Variants in CYSLTR1 observed in about 807,000 individuals in gnomAD.
CYSLTR1 encodes the protein cysteinyl leukotriene receptor 1.
Under a neutral mutation model 2.1 loss-of-function variants are expected in CYSLTR1, and 1 was observed. That is an observed-to-expected ratio of 0.48 (90% CI 0.17 to 2.28). CYSLTR1 has a LOEUF of 2.28. CYSLTR1 is among the 30% of genes most tolerant of loss of function. The pLI is 0.26. For missense variants in CYSLTR1, 299 were observed against 250.1 expected, an observed-to-expected ratio of 1.20 and a Z score of -1.32; for synonymous variants, 110 against 89.6, an observed-to-expected ratio of 1.23 and a Z score of -1.28.
At chrX:78,307,754 A>G (rs984941522) in intron 1 of CYSLTR1, among the ~76,000 whole-genome samples, 5 of 111,788 alleles carry the variant, frequency 4.5e-5, no homozygotes, top group African/African-American at 1.6e-4. Context: ...AAGCCAAGCT[A>G]TAAAAATCCC....
intron 1 of CYSLTR1, among the ~76,000 whole-genome samples, chrX:78,289,128 G>A (rs529701275): frequency 5.7e-4 from 45 of 78,955 alleles, no homozygotes; most frequent in East Asian, 8.2e-4. Flanking sequence ...TCCACCCCCC[G>A]ACAGGCCCTG....
intron 1 of CYSLTR1, among the ~76,000 whole-genome samples, chrX:78,295,775 C>T (rs1422499056): frequency 1.8e-5 from 2 of 111,373 alleles, no homozygotes; most frequent in African/African-American, 6.5e-5. Flanking sequence ...TGTTTGAACT[C>T]CTTATATATT....
At chrX:78,291,793 G>A (rs1922339003) in intron 1 of CYSLTR1, among the ~76,000 whole-genome samples, 1 of 110,955 alleles carries the variant, frequency 9.0e-6, no homozygotes. Flanking sequence ...GTATTGCTGT[G>A]GGGTCAGTGG....
rs1432702048 is a variant in CYSLTR1, at chrX:78,306,146, A to G, written c.-115+21159T>C. ...TGTGGGATCTAAAAATCAAAACACT[A>G]GAACTTATGGTCGTTGAGGGTTTTT... On this transcript the variant is annotated intron_variant, in intron 1 of 2. Coordinates refer to ENST00000373304, the MANE Select transcript of CYSLTR1 (RefSeq NM_006639.4). Among the ~76,000 whole-genome samples, 3 of 112,135 alleles carry G rather than the reference A, an allele frequency of 2.7e-5. No individual in the cohort carries two copies. The East Asian group carries it at 8.4e-4, about 31-fold the overall frequency.
intron 1 of CYSLTR1, among the ~76,000 whole-genome samples, chrX:78,293,843 G>A (rs1354300820): frequency 1.8e-5 from 2 of 111,463 alleles, no homozygotes; most frequent in Non-Finnish European, 3.8e-5. Context: ...GTCATTTAAG[G>A]TCTTCTCTAT....
rs779571076 is a variant in CYSLTR1 at position 78,272,798 on chromosome X, C to T, written c.949G>A (p.Val317Met). 23 of 1,208,578 alleles carry T rather than the reference C, an allele frequency of 1.9e-5. No homozygotes were observed. Among genetic ancestry groups the T allele is most frequent in the Admixed American group, 1.3e-4 (6 of 45,410 alleles). The change falls in exon 3 of 3, where the codon GTG becomes ATG. Residue 317 changes from valine (V) to methionine (M), a missense_variant. By Grantham distance (21) the Val-to-Met change is conservative. Transcript: ENST00000373304. Reference protein sequence around the residue: ...STFRKHSLSSVTYVPRKKASL... With the variant: ...STFRKHSLSSMTYVPRKKASL... ...GCCTTCTTTCTGGGTACATAAGTCACGCTGGACAAAGAATGCTTTCTGAAT... is the reference window on the plus strand; with the variant it reads ...GCCTTCTTTCTGGGTACATAAGTCATGCTGGACAAAGAATGCTTTCTGAAT...
chrX:78,311,658 AC>A (rs768704877), intron 1 of CYSLTR1, among the ~76,000 whole-genome samples: 1 of 112,431 alleles, frequency 8.9e-6, no homozygotes, highest in African/African-American at 3.2e-5. Flanking sequence ...AAATCAATGT[AC>A]AAAAATCAGT....
At position 78,272,980 on chromosome X, in the gene CYSLTR1, T is replaced by C; in HGVS notation, c.767A>G (p.His256Arg). The C allele has an allele frequency of 1.7e-6, 2 of 1,211,374 alleles. No homozygotes were observed. The highest frequency in any genetic ancestry group is 2.2e-6 in the Non-Finnish European group (2 of 895,304). Residue 256 changes from histidine to arginine, a missense_variant, in exon 3 of 3, where the codon CAC (histidine) becomes CGC (arginine). Transcript: ENST00000373304. ...FMPYHIQRTI[H>R]LHFLHNETKP... The stretch of plus-strand genomic sequence containing the variant: ...AGTTTCATTGTGTAAAAAATGAAGG[T>C]GAATGGTACGTTGAATATGATATGG...
chrX:78,294,961 C>A (rs1341907079), intron 1 of CYSLTR1, among the ~76,000 whole-genome samples: 2 of 112,536 alleles, frequency 1.8e-5, no homozygotes, highest in Admixed American at 1.9e-4. Flanking sequence ...ACCCGCCCCA[C>A]TTCGGCTTGC....
intron 1 of CYSLTR1, among the ~76,000 whole-genome samples, chrX:78,324,573 G>T (rs1321379525): frequency 9.0e-6 from 1 of 110,804 alleles, no homozygotes; most frequent in East Asian, 2.8e-4. Flanking sequence ...TCACCATATT[G>T]GCCAGGATGG....
Position 78,272,078 on chromosome X carries a change from G to A in CYSLTR1, c.*655C>T, listed in dbSNP as rs960772796. The A allele has an allele frequency of 2.7e-5, 3 of 111,843 alleles. No homozygotes were observed. The highest frequency in any genetic ancestry group is 5.6e-5 in the Non-Finnish European group (3 of 53,156). 9.2% of individuals were successfully genotyped at this position (111,843 alleles called of 1,213,427 possible). A position where few individuals can be genotyped will look rare whatever the true frequency, so the allele number is the denominator to read the frequency against. On this transcript the variant is annotated 3_prime_UTR_variant, in exon 3 of 3. Coordinates refer to ENST00000373304, the MANE Select transcript of CYSLTR1 (RefSeq NM_006639.4). ...GAGGCAAAGGCAGAAGAAAACTGGAGACAAACTGGCTTTTGACCAGATTTC... is the reference window on the plus strand; with the variant it reads ...GAGGCAAAGGCAGAAGAAAACTGGAAACAAACTGGCTTTTGACCAGATTTC...
intron 1 of CYSLTR1, among the ~76,000 whole-genome samples, chrX:78,290,854 G>A (rs1197635963): frequency 8.9e-6 from 1 of 111,779 alleles, no homozygotes; most frequent in East Asian, 2.8e-4. Flanking sequence ...AGGAGATTTT[G>A]GGCTGAGATG....
At chrX:78,285,995 G>A (rs1471582645) in intron 1 of CYSLTR1, among the ~76,000 whole-genome samples, 5 of 111,629 alleles carry the variant, frequency 4.5e-5, no homozygotes, top group African/African-American at 6.5e-5. Context: ...TCTTTTATTC[G>A]GCTCATGTTA....
At chrX:78,324,870 A>C (rs1196581857) in intron 1 of CYSLTR1, among the ~76,000 whole-genome samples, 1 of 111,026 alleles carries the variant, frequency 9.0e-6, no homozygotes, top group Non-Finnish European at 1.9e-5. Flanking sequence ...GAGAGATAAA[A>C]GTGACTTTAG....
At chrX:78,288,643 T>A (rs1922174744) in intron 1 of CYSLTR1, among the ~76,000 whole-genome samples, 2 of 112,204 alleles carry the variant, frequency 1.8e-5, no homozygotes, top group Non-Finnish European at 3.8e-5. Context: ...AGGCATGCAA[T>A]GCATAATAAT....
At chrX:78,310,144 C>A (rs915289080) in intron 1 of CYSLTR1, among the ~76,000 whole-genome samples, 1 of 111,834 alleles carries the variant, frequency 8.9e-6, no homozygotes, top group Non-Finnish European at 1.9e-5. Context: ...TATCCTTTCC[C>A]TCTCAGAGGT....
intron 2 of CYSLTR1, among the ~76,000 whole-genome samples, chrX:78,275,168 T>C (rs1350122363): frequency 8.9e-6 from 1 of 112,204 alleles, no homozygotes; most frequent in African/African-American, 3.2e-5. Flanking sequence ...GAAGACAGTG[T>C]GGCGATTCCT....
intron 1 of CYSLTR1, among the ~76,000 whole-genome samples, chrX:78,286,715 C>T (rs774294172): frequency 1.9e-4 from 19 of 99,890 alleles, no homozygotes; most frequent in African/African-American, 6.6e-4. Context: ...TGTTCAATTC[C>T]CACCTATGAG....
intron 1 of CYSLTR1, among the ~76,000 whole-genome samples, chrX:78,307,420 G>T (rs748036788): frequency 9.0e-6 from 1 of 111,597 alleles, no homozygotes; most frequent in Admixed American, 9.5e-5. Flanking sequence ...ATTGCTGTTT[G>T]TTTTCTTCCA....
Sources: gnomAD v4.1 joint callset for allele counts (sites outside exome capture counted in the v4.1 genomes callset) on GRCh38, gnomAD v4.1.1 for gene constraint, MANE v1.5 for transcripts, NCBI Gene and HGNC (gene_info 2026-07-23, HGNC 2026-07-21) for gene names.